Variants in ENPP2 observed in about 807,000 individuals in gnomAD.
The protein encoded by ENPP2 is autotaxin.
In ENPP2, 51 loss-of-function variants were observed where a neutral mutation model predicts 120.2. The observed-to-expected ratio is 0.42, with a 90% confidence interval of 0.34 to 0.54. The LOEUF (loss-of-function observed/expected upper bound fraction) is 0.54, where lower values mean the gene tolerates loss of function less well. Ranked by LOEUF, ENPP2 falls within the 20% of genes least tolerant of loss-of-function variation. ENPP2 has a pLI of 0.04. For synonymous variants in ENPP2, 365 were observed against 366.4 expected, an observed-to-expected ratio of 1.00 and a Z score of 0.04; for missense variants, 920 against 1,066.5, an observed-to-expected ratio of 0.86 and a Z score of 1.91.
chr8:119,662,363 TA>T (rs1327290545), intron 1 of ENPP2, among the ~76,000 whole-genome samples: 2 of 152,156 alleles, frequency 1.3e-5, no homozygotes, highest in African/African-American at 4.8e-5. Flanking sequence ...GATATATAAA[TA>T]AATAATTTTA....
Position 119,586,571 on chromosome 8 carries a change from T to C in ENPP2, c.1240-258A>G, listed in dbSNP as rs1398083698. ...GATGCATTCCTGGCTTGTGAGACCA[T>C]CGCTAAGAGCAATTCACACTCCAAG... On this transcript the variant is annotated intron_variant, in intron 14 of 24. Transcript: ENST00000075322. Among the ~76,000 whole-genome samples the C allele has an allele frequency of 2.0e-5, 3 of 152,038 alleles. No homozygotes were observed. The East Asian group carries it at 5.8e-4, about 29-fold the overall frequency.
At chr8:119,613,931 TCACCCTACTGTATAATAGAA>T (rs948644982) in intron 8 of ENPP2, among the ~76,000 whole-genome samples, 55 of 152,228 alleles carry the variant, frequency 3.6e-4, no homozygotes, top group African/African-American at 1.3e-3. Flanking sequence ...TTTGCTATAG[TCACCCTACTGTATAATAGAA>T]CACCCTACTG....
rs575676176 is a variant in ENPP2 at position 119,595,332 on chromosome 8, G to A, written c.973-1472C>T. ...ACTGGGAAGAGTAGACATTACTTGT[G>A]GAAATTACATACAACTCTATCCGCC... is the stretch of plus-strand genomic sequence containing the variant. On this transcript the variant is annotated intron_variant, in intron 11 of 24. Coordinates refer to ENST00000075322, the MANE Select transcript of ENPP2 (RefSeq NM_001040092.3). 2.3e-3 allele frequency among the ~76,000 whole-genome samples: 356 copies of A among 152,226 alleles called. 3 individuals carry two copies. The highest frequency in any genetic ancestry group is 7.1e-3 in the African/African-American group (294 of 41,534).
Position 119,586,327 on chromosome 8 carries a change from G to A in ENPP2, c.1240-14C>T, listed in dbSNP as rs762861307. On this transcript the variant is annotated splice_polypyrimidine_tract_variant and intron_variant, in intron 14 of 24. Transcript: ENST00000075322. ...TGGTTTTTTACACTGAAATAGAAATGGAAATCAGACTTCAGATGGAATGTC... is the reference window on the plus strand; with the variant it reads ...TGGTTTTTTACACTGAAATAGAAATAGAAATCAGACTTCAGATGGAATGTC... 250 of 1,611,652 alleles carry A rather than the reference G, an allele frequency of 1.6e-4. 1 individual carries two copies. The highest frequency in any genetic ancestry group is 2.0e-4 in the Non-Finnish European group (234 of 1,178,730).
chr8:119,650,260 G>A lies in ENPP2; in HGVS notation c.22-11733C>T, dbSNP rs143590163. 1.1e-4 allele frequency among the ~76,000 whole-genome samples: 17 copies of A among 152,232 alleles called. No individual in the cohort carries two copies. In the East Asian group the frequency reaches 1.9e-3, roughly 17 times the overall value. On this transcript the variant is annotated intron_variant, in intron 1 of 25. Coordinates refer to the ENPP2 transcript ENST00000427067. ...CAAAAGCCACATGTTTTATGATTCC[G>A]TTTATATAAAACATCTAGAAGAGGC...
At chr8:119,578,045 GT>G (rs1812469328) in intron 19 of ENPP2, among the ~76,000 whole-genome samples, 1 of 151,810 alleles carries the variant, frequency 6.6e-6, no homozygotes, top group South Asian at 2.1e-4. Context: ...GTGTTTTTTT[GT>G]TGTTGTTGTT....
chr8:119,659,087 G>A (rs2130891346), intron 1 of ENPP2, among the ~76,000 whole-genome samples: 1 of 152,138 alleles, frequency 6.6e-6, no homozygotes, highest in Non-Finnish European at 1.5e-5. Flanking sequence ...GGCCAAGGCA[G>A]GCAGATTGCT....
At chr8:119,561,682 G>GAGTC (rs1311668317) in intron 24 of ENPP2, among the ~76,000 whole-genome samples, 1 of 152,082 alleles carries the variant, frequency 6.6e-6, no homozygotes, top group Non-Finnish European at 1.5e-5. Flanking sequence ...AGTGAATCAG[G>GAGTC]AGTCATCTGT....
At chr8:119,590,430 G>T in intron 13 of ENPP2, 75 bp downstream of exon 13, 2 of 1,206,032 alleles carry the variant, frequency 1.7e-6, no homozygotes, top group Non-Finnish European at 2.2e-6. Flanking sequence ...AAGTATTTCA[G>T]CTTTAGAAAA....
chr8:119,672,687 G>A (rs1441750143), intron 1 of ENPP2, among the ~76,000 whole-genome samples: 2 of 152,242 alleles, frequency 1.3e-5, no homozygotes, highest in Non-Finnish European at 2.9e-5. Context: ...GTGCCGAATT[G>A]TGCACGTCAA....
chr8:119,578,197 C>T (rs910089682), intron 19 of ENPP2, among the ~76,000 whole-genome samples: 12 of 151,954 alleles, frequency 7.9e-5, no homozygotes, highest in Admixed American at 1.3e-4. Flanking sequence ...ATTACAGGCA[C>T]GCGCCACTGC....
intron 9 of ENPP2, among the ~76,000 whole-genome samples, chr8:119,604,687 G>T (rs1311671913): frequency 6.6e-6 from 1 of 152,080 alleles, no homozygotes; most frequent in Non-Finnish European, 1.5e-5. Flanking sequence ...TTGAAAGAGA[G>T]AATGTGAATA....
chr8:119,583,929 A>T, intron 16 of ENPP2, 33 bp downstream of exon 16: 4 of 1,549,656 alleles, frequency 2.6e-6, no homozygotes, highest in Non-Finnish European at 3.6e-6. Flanking sequence ...AACCACTAAA[A>T]CACAATTTCA....
chr8:119,636,950 A>G (rs1310938164), intron 2 of ENPP2, among the ~76,000 whole-genome samples: 2 of 152,312 alleles, frequency 1.3e-5, no homozygotes, highest in East Asian at 3.9e-4. Context: ...AAAAGAAGTC[A>G]CCTTTAAAAA....
chr8:119,624,671 T>C (rs1816148294), intron 3 of ENPP2, among the ~76,000 whole-genome samples: 1 of 152,182 alleles, frequency 6.6e-6, no homozygotes, highest in Non-Finnish European at 1.5e-5. Context: ...GAATATTACA[T>C]AGCCATTCAA....
At chr8:119,608,839 T>C (rs2130640823) in intron 8 of ENPP2, among the ~76,000 whole-genome samples, 1 of 152,360 alleles carries the variant, frequency 6.6e-6, no homozygotes, top group Admixed American at 6.5e-5. Context: ...TCTTAACATC[T>C]GGCAAACACT....
chr8:119,573,406 CT>C (rs200632454), intron 19 of ENPP2, among the ~76,000 whole-genome samples: 2 of 64,122 alleles, frequency 3.1e-5, no homozygotes, highest in African/African-American at 1.9e-4. Context: ...GGCTCCGTCT[CT>C]TAAAAAAAAA....
At chr8:119,580,674 G>A (rs752654440) in intron 18 of ENPP2, 1 of 152,626 alleles carries the variant, frequency 6.6e-6, no homozygotes, top group Admixed American at 6.5e-5. Flanking sequence ...AGTAATGTCT[G>A]TGGCAACATT....
chr8:119,605,863 G>A (rs912814972), intron 9 of ENPP2, among the ~76,000 whole-genome samples: 35 of 152,286 alleles, frequency 2.3e-4, no homozygotes, highest in African/African-American at 7.0e-4. Flanking sequence ...CAGCCAAGCT[G>A]GGATGAGAAT....
Sources: allele counts gnomAD v4.1 joint callset (sites outside exome capture counted in the v4.1 genomes callset), GRCh38; gene constraint gnomAD v4.1.1; transcripts MANE v1.5; gene names NCBI Gene and HGNC (gene_info 2026-07-23, HGNC 2026-07-21).